EXOSC10: variants seen among roughly 807,000 people sequenced by gnomAD.
EXOSC10 encodes exosome component 10.
EXOSC10 carries 94 observed loss-of-function variants against 126.6 expected under a neutral mutation model. The ratio of observed to expected loss-of-function variants is 0.74; its 90% confidence interval spans 0.63 to 0.88. The LOEUF is 0.88. Ranked by LOEUF, EXOSC10 falls within the 40% of genes least tolerant of loss-of-function variation. The pLI, the probability that EXOSC10 is intolerant of heterozygous loss-of-function variation, is 0.00. For synonymous variants in EXOSC10, 395 were observed against 400.8 expected (o/e 0.99, Z 0.17); for missense variants, 1,041 against 1,100.5 (o/e 0.95, Z 0.77).
chr1:11,076,841 C>T lies in EXOSC10; in HGVS notation c.1986+1G>A. 6.2e-7 allele frequency: 1 copy of T among 1,608,992 alleles called. No homozygotes were observed. Among genetic ancestry groups the T allele is most frequent in the Non-Finnish European group, 8.5e-7 (1 of 1,176,722 alleles). On this transcript the variant is annotated splice_donor_variant, in intron 17 of 24. Coordinates refer to ENST00000376936, the MANE Select transcript of EXOSC10 (RefSeq NM_001001998.3). LOFTEE classifies it high-confidence loss of function. ...CTCAGTGAAGTTTCTGTGCTACTCA[C>T]ATTAAATAACGTGATGACAGCTGTG...
At chr1:11,084,456 C>G (rs1338503131) in intron 9 of EXOSC10, among the ~76,000 whole-genome samples, 1 of 152,176 alleles carries the variant, frequency 6.6e-6, no homozygotes, top group Non-Finnish European at 1.5e-5. Flanking sequence ...ATGTCCTTCA[C>G]CCACTTTTTG....
rs769800074 is a variant in EXOSC10 at position 11,077,328 on chromosome 1, A to T, written c.1879+37T>A. 3.0e-5 allele frequency: 47 copies of T among 1,590,918 alleles called. 1 individual carries two copies. The highest frequency in any genetic ancestry group is 3.3e-5 in the Non-Finnish European group (38 of 1,164,266). ...TTTTAGACAAGGTAGCTGTGTCCCA[A>T]CCTCTTCGGGACAGTCAGGAGGGCT... On this transcript the variant is annotated intron_variant, in intron 16 of 24. Coordinates refer to ENST00000376936, the MANE Select transcript of EXOSC10 (RefSeq NM_001001998.3).
At chr1:11,086,732 C>T (rs1465074650) in intron 9 of EXOSC10, among the ~76,000 whole-genome samples, 4 of 152,018 alleles carry the variant, frequency 2.6e-5, no homozygotes, top group African/African-American at 4.8e-5. Context: ...GGGTACATAA[C>T]GAAATGAAGG....
At chr1:11,076,161 A>T (rs1011310008) in intron 17 of EXOSC10, among the ~76,000 whole-genome samples, 1 of 151,824 alleles carries the variant, frequency 6.6e-6, no homozygotes, top group African/African-American at 2.4e-5. Context: ...GCGAAACTCC[A>T]TCTCAAAAAA....
At chr1:11,088,092 C>T (rs745858339) in intron 7 of EXOSC10, 31 bp downstream of exon 7, 18 of 1,564,492 alleles carry the variant, frequency 1.2e-5, no homozygotes, top group East Asian at 6.7e-5. Context: ...GGCTACTACA[C>T]GGCACCTTTA....
At chr1:11,091,955 G>A (rs893168118) in intron 3 of EXOSC10, among the ~76,000 whole-genome samples, 3 of 152,118 alleles carry the variant, frequency 2.0e-5, no homozygotes, top group African/African-American at 7.2e-5. Flanking sequence ...CTCCCAAAAT[G>A]CTGGGATTAT....
rs12072693 is a variant in EXOSC10 at position 11,080,386 on chromosome 1, G to A, written c.1637+113C>T. ...CAACTTGCTACCTTCCAAGCTTGGA[G>A]CATTAATCTCTGAGTAAGCAGCCTT... On this transcript the variant is annotated intron_variant, in intron 13 of 24. Transcript: ENST00000376936. The A allele has an allele frequency of 3.0e-3, 3,878 of 1,304,524 alleles. 89 individuals carry two copies. The African/African-American group carries it at 0.05, about 17-fold the overall frequency. 80.8% of individuals were successfully genotyped at this position (1,304,524 alleles called of 1,614,324 possible). A position where few individuals can be genotyped will look rare whatever the true frequency, so the allele number is the denominator to read the frequency against.
chr1:11,088,951 T>C (rs1034894222), intron 6 of EXOSC10, among the ~76,000 whole-genome samples: 1 of 152,178 alleles, frequency 6.6e-6, no homozygotes, highest in Non-Finnish European at 1.5e-5. Context: ...CTGAGCACGG[T>C]GGCACATGCT....
chr1:11,087,182 A>G (rs1295260868), intron 9 of EXOSC10, among the ~76,000 whole-genome samples: 1 of 152,220 alleles, frequency 6.6e-6, no homozygotes, highest in Non-Finnish European at 1.5e-5. Flanking sequence ...CAGTACAGTC[A>G]TCAAGTCCAA....
intron 14 of EXOSC10, among the ~76,000 whole-genome samples, chr1:11,079,440 C>A (rs574999950): frequency 6.9e-6 from 1 of 144,994 alleles, no homozygotes; most frequent in African/African-American, 2.6e-5. Flanking sequence ...GCCTCCCAGG[C>A]TAGAGTGCAG....
In EXOSC10 at chr1:11,066,688, C is replaced by T. The variant is rs368337929; in HGVS notation, c.*30G>A. 7.0e-5 allele frequency: 113 copies of T among 1,613,128 alleles called. No individual in the cohort carries two copies. Among genetic ancestry groups the T allele is most frequent in the Non-Finnish European group, 8.8e-5 (104 of 1,179,190 alleles). On this transcript the variant is annotated 3_prime_UTR_variant, in exon 25 of 25. Transcript: ENST00000376936. ...AAGCAGCACCAGCATTTGGTGCTTCCGGTCCACAGGCGCCACGTGTCTTCC... is the reference window on the plus strand; with the variant it reads ...AAGCAGCACCAGCATTTGGTGCTTCTGGTCCACAGGCGCCACGTGTCTTCC...
At chr1:11,068,294 G>A (rs552305954) in intron 23 of EXOSC10, among the ~76,000 whole-genome samples, 48 of 152,278 alleles carry the variant, frequency 3.2e-4, no homozygotes, top group East Asian at 1.2e-3. Context: ...CCCTGCCCCC[G>A]CGCCTGTGGA....
At position 11,091,151 on chromosome 1, in the gene EXOSC10, G is replaced by C. The variant is rs1188654883; in HGVS notation, c.506C>G (p.Ser169Cys). The change falls in exon 5 of 25, where the codon TCT (serine) becomes TGT (cysteine). Residue 169 changes from serine to cysteine, a missense_variant. This residue lies in a region of EXOSC10 where 645 missense variants were observed against 656.3 expected (regional missense o/e 0.98). Transcript: ENST00000376936. ...KAAEYGKKAK[S>C]ETFRLLHAKN... ...TGCATGAAGCAGCCGGAAAGTTTCA[G>C]ATTTTGCTTTTTTGCCATATTCTGC... The C allele has an allele frequency of 6.2e-7, 1 of 1,613,984 alleles. No homozygotes were observed. Among genetic ancestry groups the C allele is most frequent in the African/African-American group, 1.3e-5 (1 of 74,928 alleles).
intron 6 of EXOSC10, among the ~76,000 whole-genome samples, chr1:11,089,116 A>G (rs1403890117): frequency 1.3e-5 from 2 of 151,622 alleles, no homozygotes; most frequent in African/African-American, 4.9e-5. Flanking sequence ...CTGTAGTCCC[A>G]GCTACTAGGG....
intron 17 of EXOSC10, 65 bp downstream of exon 17, chr1:11,076,777 G>A (rs1639838587): frequency 1.6e-6 from 2 of 1,241,380 alleles, no homozygotes; most frequent in African/African-American, 1.5e-5. Flanking sequence ...CAGACAGCCT[G>A]CTGAATAAAT....
Position 11,074,255 on chromosome 1 carries a change from C to T in EXOSC10, c.2058G>A (p.Glu686=), listed in dbSNP as rs1333604665. Residue 686 remains glutamate, a synonymous_variant, in exon 18 of 25, where the codon GAG becomes GAA. Coordinates refer to ENST00000376936, the MANE Select transcript of EXOSC10 (RefSeq NM_001001998.3). Reference sequence around the variant, plus strand: ...CCATCCTAAATGGATTTTCAAAGGACTCCATGATGTTCTGGGCTTTTTTCT... The same window carrying T: ...CCATCCTAAATGGATTTTCAAAGGATTCCATGATGTTCTGGGCTTTTTTCT... The part of the protein sequence containing the change: ...VAQKKAQNIM[E]SFENPFRMFL... 2 of 1,613,892 alleles carry T rather than the reference C, an allele frequency of 1.2e-6. No individual in the cohort carries two copies. The highest frequency in any genetic ancestry group is 1.7e-6 in the Non-Finnish European group (2 of 1,179,888).
At chr1:11,086,006 T>G (rs1419118029) in intron 9 of EXOSC10, among the ~76,000 whole-genome samples, 1 of 151,504 alleles carries the variant, frequency 6.6e-6, no homozygotes, top group Non-Finnish European at 1.5e-5. Context: ...TTTGATGTGC[T>G]GCTGGATTCG....
Position 11,098,124 on chromosome 1 carries a change from C to T in EXOSC10, c.144G>A (p.Lys48=). ...CAAACTGTGGTAGGCCCCCAGATGCCTTGGTGACTGCCACCACGGACCCAA... is the reference window on the plus strand; with the variant it reads ...CAAACTGTGGTAGGCCCCCAGATGCTTTGGTGACTGCCACCACGGACCCAA... ...FALGSVVAVT[K]ASGGLPQFGD... is the part of the protein sequence containing the mutation. Residue 48 remains lysine (K), a synonymous_variant, in exon 2 of 25, where the codon AAG becomes AAA. Transcript: ENST00000376936. 1.2e-6 allele frequency: 2 copies of T among 1,611,420 alleles called. No individual in the cohort carries two copies. The highest frequency in any genetic ancestry group is 2.2e-5 in the South Asian group (2 of 90,370).
rs550388629 is a variant in EXOSC10, at chr1:11,088,558, A to G, written c.759-360T>C. On this transcript the variant is annotated intron_variant, in intron 6 of 24. Transcript: ENST00000376936. ...GAAATAACAAATCTGTAAAGTAAGG[A>G]TGAAGCAAATACTGCAGTTGGCCAA... Among the ~76,000 whole-genome samples, 86 of 152,372 alleles carry G rather than the reference A, an allele frequency of 5.6e-4. 1 individual carries two copies. The highest frequency in any genetic ancestry group is 2.0e-3 in the African/African-American group (83 of 41,594).
Sources: gnomAD v4.1 joint callset for allele counts (sites outside exome capture counted in the v4.1 genomes callset) on GRCh38, gnomAD v4.1.1 for gene constraint, gnomAD v4.1.1 regional missense constraint, MANE v1.5 for transcripts, NCBI Gene and HGNC (gene_info 2026-07-23, HGNC 2026-07-21) for gene names.